The following MAPK13 variants were observed in gnomAD, a reference collection of about 807,000 sequenced individuals.
The protein encoded by MAPK13 is MAP kinase 13.
A neutral mutation model predicts 53.5 loss-of-function variants in MAPK13; 39 were observed. The observed-to-expected ratio is 0.73, with a 90% CI of 0.56 to 0.95. The LOEUF (loss-of-function observed/expected upper bound fraction) is 0.95. Ranked by LOEUF, MAPK13 falls within the 40% of genes least tolerant of loss-of-function variation. The pLI is 0.00. For missense variants in MAPK13, 460 were observed against 471.8 expected, an observed-to-expected ratio of 0.98 and a Z score of 0.23; for synonymous variants, 179 against 190.9, an observed-to-expected ratio of 0.94 and a Z score of 0.51.
At position 36,131,256 on chromosome 6, in the gene MAPK13, G is replaced by T. The variant is rs761320474; in HGVS notation, c.120-15G>T. ...GGAGGAGAGCCTCGCCTGCTGACCG[G>T]CCTGTGCCCGACAGCTCGGCCATCG... On this transcript the variant is annotated splice_polypyrimidine_tract_variant and intron_variant, in intron 1 of 11. Transcript: ENST00000211287. 1 of 1,609,224 alleles carries T rather than the reference G, an allele frequency of 6.2e-7. No homozygotes were observed. The highest frequency in any genetic ancestry group is 1.1e-5 in the South Asian group (1 of 90,678).
chr6:36,131,725 C>T lies in MAPK13; in HGVS notation c.249+325C>T, dbSNP rs529910357. Among the ~76,000 whole-genome samples, 7 of 152,304 alleles carry T rather than the reference C, an allele frequency of 4.6e-5. No individual in the cohort carries two copies. The East Asian group carries it at 1.2e-3, about 25-fold the overall frequency. On this transcript the variant is annotated intron_variant, in intron 2 of 11. Coordinates refer to ENST00000211287, the MANE Select transcript of MAPK13 (RefSeq NM_002754.5). ...CAGCTGGGACTAGAATCCTAGTTAG[C>T]GTTGTGTCCACGTGACCCTGATAAC...
intron 2 of MAPK13, 120 bp downstream of exon 2, chr6:36,131,520 T>G (rs1370940408): frequency 3.0e-6 from 3 of 996,386 alleles, no homozygotes; most frequent in Non-Finnish European, 4.4e-6. Context: ...CCCCTGACGG[T>G]GCCTCTCGCC....
intron 2 of MAPK13, 128 bp from the exon 3 acceptor site, chr6:36,132,493 A>G (rs1766340667): frequency 1.3e-6 from 1 of 787,458 alleles, no homozygotes; most frequent in Non-Finnish European, 2.2e-6. Context: ...AGAAGGTTGG[A>G]GACATGCCTC....
intron 2 of MAPK13, among the ~76,000 whole-genome samples, chr6:36,132,131 C>G (rs1467233237): frequency 6.6e-6 from 1 of 152,236 alleles, no homozygotes; most frequent in East Asian, 1.9e-4. Context: ...AACCCCTCCC[C>G]TATGGCCTCC....
intron 3 of MAPK13, among the ~76,000 whole-genome samples, chr6:36,133,852 G>A (rs1461211696): frequency 6.6e-6 from 1 of 152,128 alleles, no homozygotes; most frequent in East Asian, 1.9e-4. Flanking sequence ...AGCTGAGAGG[G>A]CCTGATAGGA....
chr6:36,135,791 A>T lies in MAPK13; in HGVS notation c.347A>T (p.Lys116Met). The T allele has an allele frequency of 1.2e-6, 2 of 1,614,082 alleles. No homozygotes were observed. Among genetic ancestry groups the T allele is most frequent in the Non-Finnish European group, 1.7e-6 (2 of 1,179,978 alleles). ...CCCTTCATGCAGACGGATCTGCAGA[A>T]GATCATGGGGATGGAGTTCAGTGAG... ...VMPFMQTDLQ[K>M]IMGMEFSEEK... The change falls in exon 4 of 12, where the codon AAG (lysine) becomes ATG (methionine). Residue 116 changes from lysine (K) to methionine (M), a missense_variant. Coordinates refer to ENST00000211287, the MANE Select transcript of MAPK13 (RefSeq NM_002754.5).
In MAPK13 at chr6:36,143,617, A is replaced by G. The variant is rs895600124; in HGVS notation, c.*4244A>G. 2 of 152,094 alleles carry G rather than the reference A, an allele frequency of 1.3e-5. No homozygotes were observed. The highest frequency in any genetic ancestry group is 4.8e-5 in the African/African-American group (2 of 41,396). The allele number at this position is 152,094 out of a possible 1,614,324, so 9.4% of individuals were successfully genotyped here. On this transcript the variant is annotated 3_prime_UTR_variant, in exon 12 of 12. Coordinates refer to ENST00000211287, the MANE Select transcript of MAPK13 (RefSeq NM_002754.5). ...GCTTTTGCTTCCTTAAATTTGAACAATTCCCTAAGATCTAATGCTGGGAGG... is the reference window on the plus strand; with the variant it reads ...GCTTTTGCTTCCTTAAATTTGAACAGTTCCCTAAGATCTAATGCTGGGAGG...
At position 36,142,732 on chromosome 6, in the gene MAPK13, AC is replaced by A. The variant is rs1766554268; in HGVS notation, c.*3363del. The A allele has an allele frequency of 6.6e-6, 1 of 151,840 alleles. No individual in the cohort carries two copies. The highest frequency in any genetic ancestry group is 1.5e-5 in the Non-Finnish European group (1 of 68,052). The allele number at this position is 151,840 out of a possible 1,614,324, so 9.4% of individuals were successfully genotyped here. On this transcript the variant is annotated 3_prime_UTR_variant, in exon 12 of 12. Transcript: ENST00000211287. The surrounding 1 kb of genome is among the most constrained non-coding windows in gnomAD (Gnocchi z 4.4). ...AATCTCTATTATTTCAGACTCCCAG[AC>A]CCCACCCCCCGCTTCATCCTCTGGT... is the stretch of plus-strand genomic sequence containing the variant.
chr6:36,135,270 C>T (rs1389131127), intron 3 of MAPK13, among the ~76,000 whole-genome samples: 1 of 152,248 alleles, frequency 6.6e-6, no homozygotes, highest in African/African-American at 2.4e-5. Context: ...CCCCATCTCC[C>T]TCTTCCACCC....
rs761129055 is a variant in MAPK13, at chr6:36,130,689, A to T, written c.107A>T (p.Tyr36Phe). ...VSPTHVGSGA[Y>F]GSVCSAIDKR... ...CCGACGCACGTCGGCAGCGGGGCCTATGGCTCCGTGTGGTGAGACCCCTGG... is the reference window on the plus strand; with the variant it reads ...CCGACGCACGTCGGCAGCGGGGCCTTTGGCTCCGTGTGGTGAGACCCCTGG... Residue 36 changes from tyrosine to phenylalanine, a missense_variant, in exon 1 of 12, where the codon TAT (tyrosine) becomes TTT (phenylalanine). Physicochemically the swap from Tyr to Phe is conservative, Grantham distance 22. Coordinates refer to ENST00000211287, the MANE Select transcript of MAPK13 (RefSeq NM_002754.5). The surrounding 1 kb of genome is among the most constrained non-coding windows in gnomAD (Gnocchi z 4.5). 6.8e-7 allele frequency: 1 copy of T among 1,480,936 alleles called. No individual in the cohort carries two copies. 91.7% of individuals were successfully genotyped at this position (1,480,936 alleles called of 1,614,324 possible).
chr6:36,131,266 G>A lies in MAPK13; in HGVS notation c.120-5G>A, dbSNP rs756025034. On this transcript the variant is annotated splice_region_variant and splice_polypyrimidine_tract_variant and intron_variant, in intron 1 of 11. Coordinates refer to ENST00000211287, the MANE Select transcript of MAPK13 (RefSeq NM_002754.5). ...CTCGCCTGCTGACCGGCCTGTGCCC[G>A]ACAGCTCGGCCATCGACAAGCGGTC... The A allele has an allele frequency of 2.5e-6, 4 of 1,611,178 alleles. No homozygotes were observed. In the Admixed American group the frequency reaches 5.0e-5, roughly 20 times the overall value.
chr6:36,132,125 C>T (rs993253578), intron 2 of MAPK13, among the ~76,000 whole-genome samples: 1 of 152,230 alleles, frequency 6.6e-6, no homozygotes, highest in Non-Finnish European at 1.5e-5. Flanking sequence ...CCAGCAAACC[C>T]CTCCCCTATG....
In MAPK13 at chr6:36,144,493, A is replaced by T. The variant is rs1347582806; in HGVS notation, c.*5120A>T. The T allele has an allele frequency of 6.6e-6, 1 of 152,248 alleles. No homozygotes were observed. Among genetic ancestry groups the T allele is most frequent in the African/African-American group, 2.4e-5 (1 of 41,464 alleles). 9.4% of individuals were successfully genotyped at this position (152,248 alleles called of 1,614,324 possible). On this transcript the variant is annotated 3_prime_UTR_variant, in exon 12 of 12. Transcript: ENST00000211287. Reference sequence around the variant, plus strand: ...GTTCATAACCAAGGAAATAGAAATGACTGAAAATAAAGTTGTATTCTATTC... The same window carrying T: ...GTTCATAACCAAGGAAATAGAAATGTCTGAAAATAAAGTTGTATTCTATTC...
rs932577252 is a variant in MAPK13 at position 36,144,423 on chromosome 6, T to A, written c.*5050T>A. The A allele has an allele frequency of 3.3e-5, 5 of 152,224 alleles. No homozygotes were observed. Among genetic ancestry groups the A allele is most frequent in the African/African-American group, 7.2e-5 (3 of 41,454 alleles). The allele number at this position is 152,224 out of a possible 1,614,324, so 9.4% of individuals were successfully genotyped here. Reference sequence around the variant, plus strand: ...CTGTAAAGGGATATGAAAAACTCTGTAATTTCTATTGGCACTGCTGATACA... The same window carrying A: ...CTGTAAAGGGATATGAAAAACTCTGAAATTTCTATTGGCACTGCTGATACA... On this transcript the variant is annotated 3_prime_UTR_variant, in exon 12 of 12. Coordinates refer to ENST00000211287, the MANE Select transcript of MAPK13 (RefSeq NM_002754.5).
At chr6:36,136,414 G>T in intron 5 of MAPK13, 70 bp from the exon 6 acceptor site, 1 of 1,353,890 alleles carries the variant, frequency 7.4e-7, no homozygotes, top group Non-Finnish European at 1.0e-6. Context: ...CACACCCCTG[G>T]GTGGTGGTGG....
chr6:36,138,765 C>A lies in MAPK13; in HGVS notation c.826C>A (p.Arg276=). ...GAAGGATTTCACTCAGCTGTTCCCA[C>A]GGGCCAGCCCCCAGGGTGAGTCTCA... is the stretch of plus-strand genomic sequence containing the variant. ...PRKDFTQLFP[R]ASPQAADLLE... The change falls in exon 10 of 12, where the codon CGG becomes AGG. Residue 276 remains arginine (R), a synonymous_variant. Transcript: ENST00000211287. The A allele has an allele frequency of 1.2e-6, 2 of 1,614,164 alleles. No individual in the cohort carries two copies. Among genetic ancestry groups the A allele is most frequent in the South Asian group, 1.1e-5 (1 of 91,088 alleles).
At position 36,136,968 on chromosome 6, in the gene MAPK13, A is replaced by G. The variant is rs749549650; in HGVS notation, c.682+18A>G. 2.4e-5 allele frequency: 38 copies of G among 1,608,636 alleles called. No individual in the cohort carries two copies. In the East Asian group the frequency reaches 5.3e-4, roughly 23 times the overall value. On this transcript the variant is annotated intron_variant, in intron 8 of 11. Transcript: ENST00000211287. ...GAAAGATTGTATCCTTTGCTGGAAA[A>G]GCCAAACTCCATCTAGGGATTCCTT...
At position 36,136,911 on chromosome 6, in the gene MAPK13, G is replaced by C; in HGVS notation, c.643G>C (p.Glu215Gln). Reference protein sequence around the residue: ...DIWSVGCIMAEMLTGKTLFKG... With the variant: ...DIWSVGCIMAQMLTGKTLFKG... Reference sequence around the variant, plus strand: ...CTGGTCTGTGGGCTGTATCATGGCAGAGATGCTGACAGGGAAAACTCTGTT... The same window carrying C: ...CTGGTCTGTGGGCTGTATCATGGCACAGATGCTGACAGGGAAAACTCTGTT... The change falls in exon 8 of 12, where the codon GAG becomes CAG. Residue 215 changes from glutamate (E) to glutamine (Q), a missense_variant. By Grantham distance (29) the Glu-to-Gln change is conservative. Transcript: ENST00000211287. 6.2e-7 allele frequency: 1 copy of C among 1,614,236 alleles called. No homozygotes were observed. The highest frequency in any genetic ancestry group is 8.5e-7 in the Non-Finnish European group (1 of 1,180,030).
At chr6:36,138,510 T>C (rs933724282) in intron 9 of MAPK13, 66 bp downstream of exon 9, 4 of 1,503,966 alleles carry the variant, frequency 2.7e-6, no homozygotes, top group Non-Finnish European at 3.7e-6. Flanking sequence ...CCCAGTGGGC[T>C]GCAGGCCTTT....
Sources: gnomAD v4.1 joint callset for allele counts (sites outside exome capture counted in the v4.1 genomes callset) on GRCh38, gnomAD v4.1.1 for gene constraint, Gnocchi (gnomAD v3.1) non-coding constraint, MANE v1.5 for transcripts, NCBI Gene and HGNC (gene_info 2026-07-23, HGNC 2026-07-21) for gene names.